Variants in PGS1 observed in about 807,000 individuals in gnomAD.
PGS1 encodes the protein CDP-diacylglycerol--glycerol-3-phosphate 3-phosphatidyltransferase, mitochondrial.
In PGS1, 44 loss-of-function variants were observed where a neutral mutation model predicts 58.3. The observed-to-expected ratio is 0.75, with a 90% CI of 0.59 to 0.97. The LOEUF is 0.97. Among genes scored for constraint, PGS1 ranks in the 50% least tolerant of loss-of-function variants. The pLI is 0.00. For missense variants in PGS1, 684 were observed against 731.1 expected, an observed-to-expected ratio of 0.94 and a Z score of 0.74; for synonymous variants, 330 against 311.0, an observed-to-expected ratio of 1.06 and a Z score of -0.64.
intron 7 of PGS1, among the ~76,000 whole-genome samples, chr17:78,410,679 G>A (rs191912852): frequency 4.5e-4 from 68 of 151,932 alleles, no homozygotes; most frequent in Non-Finnish European, 9.0e-4. Flanking sequence ...TCACCATGAT[G>A]GCCAGGCTGG....
At position 78,403,642 on chromosome 17, in the gene PGS1, C is replaced by T; in HGVS notation, c.955C>T (p.Gln319Ter). The T allele has an allele frequency of 6.2e-7, 1 of 1,614,230 alleles. No homozygotes were observed. Among genetic ancestry groups the T allele is most frequent in the Non-Finnish European group, 8.5e-7 (1 of 1,180,040 alleles). Reference protein sequence around the residue: ...DVINSARTRQQMLHAQTFHSN... With the variant: ...DVINSARTRQ ...GATCAACTCAGCCAGGACCCGCCAG[C>T]AGATGCTGCATGCCCAGACCTTCCA... is the stretch of plus-strand genomic sequence containing the variant. The change falls in exon 7 of 10, where the codon CAG becomes TAG. Residue 319 changes from glutamine (Q) to a stop codon, truncating the protein, a stop_gained. Transcript: ENST00000262764. LOFTEE classifies it high-confidence loss of function.
intron 1 of PGS1, among the ~76,000 whole-genome samples, chr17:78,382,294 C>G (rs1488780939): frequency 6.6e-6 from 1 of 152,100 alleles, no homozygotes; most frequent in African/African-American, 2.4e-5. Flanking sequence ...CCCAGGAAGA[C>G]AAGTTCTGAG....
intron 1 of PGS1, among the ~76,000 whole-genome samples, chr17:78,384,589 T>C (rs773748574): frequency 2.6e-5 from 4 of 152,152 alleles, no homozygotes; most frequent in African/African-American, 7.2e-5. Flanking sequence ...GTACCGTGAA[T>C]GTACCTTACG....
chr17:78,399,852 A>G (rs1396133430), intron 5 of PGS1: 4 of 359,380 alleles, frequency 1.1e-5, no homozygotes, highest in Non-Finnish European at 2.1e-5. Context: ...ATCAGAGAGG[A>G]TGAGTCACTT....
chr17:78,416,846 C>T (rs2146326832), intron 8 of PGS1, among the ~76,000 whole-genome samples: 1 of 152,288 alleles, frequency 6.6e-6, no homozygotes, highest in African/African-American at 2.4e-5. Context: ...TGCCCGGTCC[C>T]TAGAGGCCAA....
At chr17:78,423,410 C>T (rs544096009) in intron 9 of PGS1, among the ~76,000 whole-genome samples, 5 of 152,106 alleles carry the variant, frequency 3.3e-5, no homozygotes, top group Non-Finnish European at 5.9e-5. Flanking sequence ...GGAGTAATGG[C>T]GGATGAGACG....
In PGS1 at chr17:78,419,682, T is replaced by A. The variant is rs1309537145; in HGVS notation, c.*10+7T>A. 5.6e-6 allele frequency: 9 copies of A among 1,613,292 alleles called. No homozygotes were observed. The East Asian group carries it at 1.1e-4, about 20-fold the overall frequency. Reference sequence around the variant, plus strand: ...TTCTTCTGAGGACAGACAGGTGCTGTCTCTAGCATCACCTCTCAGCACGAT... The same window carrying A: ...TTCTTCTGAGGACAGACAGGTGCTGACTCTAGCATCACCTCTCAGCACGAT... On this transcript the variant is annotated splice_region_variant and intron_variant, in intron 9 of 9. Transcript: ENST00000262764.
chr17:78,420,147 G>T lies in PGS1; in HGVS notation c.*10+472G>T, dbSNP rs533718173. The T allele has an allele frequency of 1.4e-4, 143 of 1,011,250 alleles. No individual in the cohort carries two copies. In the East Asian group the frequency reaches 7.6e-3, roughly 54 times the overall value. The allele number at this position is 1,011,250 out of a possible 1,614,324, so 62.6% of individuals were successfully genotyped here. A position where few individuals can be genotyped will look rare whatever the true frequency, so the allele number is the denominator to read the frequency against. On this transcript the variant is annotated intron_variant, in intron 9 of 9. Coordinates refer to ENST00000262764, the MANE Select transcript of PGS1 (RefSeq NM_024419.5). ...CCGGCTGTAGTGCACAGGGTGGGGC[G>T]TCGGTAGAGCCAGACCGTGGGCTGC... is the stretch of plus-strand genomic sequence containing the variant.
At chr17:78,423,950 C>G (rs1480545950) in intron 9 of PGS1, 111 bp from the exon 10 acceptor site, 2 of 1,613,900 alleles carry the variant, frequency 1.2e-6, no homozygotes, top group Non-Finnish European at 1.7e-6. Flanking sequence ...ATCCACTTCG[C>G]TGCCTTCTCT....
At chr17:78,413,681 G>C (rs146315266) in intron 7 of PGS1, among the ~76,000 whole-genome samples, 66 of 152,366 alleles carry the variant, frequency 4.3e-4, no homozygotes, top group African/African-American at 1.5e-3. Flanking sequence ...GGCCGAGCCT[G>C]GGTGCCCTGT....
intron 1 of PGS1, among the ~76,000 whole-genome samples, chr17:78,387,008 G>GTGA (rs144953706): frequency 6.4e-4 from 79 of 123,844 alleles, no homozygotes; most frequent in African/African-American, 2.1e-3. Context: ...GATGATGATG[G>GTGA]TGATGATGAT....
At chr17:78,410,685 G>A (rs1441962340) in intron 7 of PGS1, among the ~76,000 whole-genome samples, 1 of 151,888 alleles carries the variant, frequency 6.6e-6, no homozygotes, top group African/African-American at 2.4e-5. Flanking sequence ...TGATGGCCAG[G>A]CTGGTTTTGA....
At chr17:78,390,845 A>G (rs975436326) in intron 1 of PGS1, among the ~76,000 whole-genome samples, 8 of 152,266 alleles carry the variant, frequency 5.3e-5, no homozygotes, top group Admixed American at 3.9e-4. Context: ...GCTGGGGTGC[A>G]GCTTTATGTG....
At chr17:78,389,574 GCCTCCCAAAGTAC>G (rs80131519) in intron 1 of PGS1, among the ~76,000 whole-genome samples, 22,966 of 151,504 alleles carry the variant, frequency 0.15, 2,030 homozygotes, top group African/African-American at 0.25. Flanking sequence ...ACCTGCCTCG[GCCTCCCAAAGTAC>G]TGGAATTATA....
chr17:78,405,803 C>T (rs1248503505), intron 7 of PGS1, among the ~76,000 whole-genome samples: 1 of 152,144 alleles, frequency 6.6e-6, no homozygotes, highest in Non-Finnish European at 1.5e-5. Flanking sequence ...CTGGGCAGTC[C>T]AGAGGCCTGT....
chr17:78,403,525 C>T lies in PGS1; in HGVS notation c.881-43C>T, dbSNP rs1248253613. 1.7e-5 allele frequency: 27 copies of T among 1,586,458 alleles called. No individual in the cohort carries two copies. In the African/African-American group the frequency reaches 2.0e-4, roughly 12 times the overall value. The stretch of plus-strand genomic sequence containing the variant: ...CCCTGAGCTGGGCAGAGTCCAGACC[C>T]TCCATTTCTCTTCCCTTCACTCTTC... On this transcript the variant is annotated intron_variant, in intron 6 of 9. Coordinates refer to ENST00000262764, the MANE Select transcript of PGS1 (RefSeq NM_024419.5).
chr17:78,423,641 C>T (rs904849133), intron 9 of PGS1: 30 of 444,944 alleles, frequency 6.7e-5, no homozygotes, highest in Non-Finnish European at 1.1e-4. Context: ...GGCCTTTCCC[C>T]AAAGCCTGAA....
At chr17:78,422,717 C>T (rs1202883246) in intron 9 of PGS1, among the ~76,000 whole-genome samples, 2 of 152,114 alleles carry the variant, frequency 1.3e-5, no homozygotes, top group Non-Finnish European at 2.9e-5. Context: ...CCAGGCTGGT[C>T]TTAAACTCCT....
intron 8 of PGS1, among the ~76,000 whole-genome samples, chr17:78,416,919 C>T (rs1598386844): frequency 1.3e-5 from 2 of 152,222 alleles, no homozygotes; most frequent in Admixed American, 1.3e-4. Context: ...AAAGCCCCAG[C>T]CACCGTGGGC....
Sources: gnomAD v4.1 joint callset for allele counts (sites outside exome capture counted in the v4.1 genomes callset) on GRCh38, gnomAD v4.1.1 for gene constraint, MANE v1.5 for transcripts, NCBI Gene and HGNC (gene_info 2026-07-23, HGNC 2026-07-21) for gene names.